OSBPL10: variants seen among roughly 807,000 people sequenced by gnomAD.
OSBPL10 encodes the protein oxysterol binding protein like 10.
In OSBPL10, 49 loss-of-function variants were observed where a neutral mutation model predicts 81.7. That is an observed-to-expected ratio of 0.60 (90% CI 0.48 to 0.76). The LOEUF is 0.76. OSBPL10 is among the 30% of genes least tolerant of loss of function. The pLI is 0.00. For synonymous variants in OSBPL10, 419 were observed against 383.6 expected (o/e 1.09, Z -1.08); for missense variants, 923 against 987.8 (o/e 0.93, Z 0.88).
chr3:31,895,147 T>TC lies in OSBPL10; in HGVS notation c.282-15318_282-15317insG, dbSNP rs1166281601. ...ATTCTCTGCGGCCTTTTTTTTTTTT[T>TC]TTTTTAGACGGAGTCTCACTCTGTC... is the stretch of plus-strand genomic sequence containing the variant. On this transcript the variant is annotated intron_variant, in intron 1 of 11. Coordinates refer to ENST00000396556, the MANE Select transcript of OSBPL10 (RefSeq NM_017784.5). Among the ~76,000 whole-genome samples, 6 of 150,320 alleles carry TC rather than the reference T, an allele frequency of 4.0e-5. No individual in the cohort carries two copies. The East Asian group carries it at 1.2e-3, about 29-fold the overall frequency.
intron 2 of OSBPL10, among the ~76,000 whole-genome samples, chr3:32,034,398 A>G (rs1425880147): frequency 6.7e-6 from 1 of 149,074 alleles, no homozygotes; most frequent in East Asian, 2.0e-4. Context: ...CAGAGATGGC[A>G]CCACTGCACT....
intron 1 of OSBPL10, among the ~76,000 whole-genome samples, chr3:31,924,318 G>A (rs1361020883): frequency 6.6e-6 from 1 of 152,124 alleles, no homozygotes; most frequent in African/African-American, 2.4e-5. Context: ...GAGTGGAAAA[G>A]AGTACGTGGT....
At chr3:31,662,690 C>G (rs537992371) in intron 11 of OSBPL10, 2 of 985,474 alleles carry the variant, frequency 2.0e-6, no homozygotes, top group East Asian at 2.3e-4. Context: ...GACTCTTATT[C>G]CTTACATGTT....
intron 4 of OSBPL10, among the ~76,000 whole-genome samples, chr3:31,804,384 T>A (rs895703746): frequency 1.8e-4 from 28 of 152,182 alleles, no homozygotes; most frequent in African/African-American, 6.5e-4. Flanking sequence ...TTGAGGGCAC[T>A]CAGCTAGTCA....
chr3:31,927,794 C>G (rs1231832450), intron 1 of OSBPL10, among the ~76,000 whole-genome samples: 2 of 152,168 alleles, frequency 1.3e-5, no homozygotes, highest in Non-Finnish European at 2.9e-5. Context: ...TTATCTAAAA[C>G]ATGCGTAAAG....
chr3:32,009,025 T>C (rs1699229154), intron 2 of OSBPL10, among the ~76,000 whole-genome samples: 1 of 152,218 alleles, frequency 6.6e-6, no homozygotes, highest in Admixed American at 6.5e-5. Context: ...CGAGATAATT[T>C]ACTCTTTGTA....
chr3:31,744,537 C>CAAAAAAAAA (rs58546446), intron 5 of OSBPL10, among the ~76,000 whole-genome samples: 5 of 96,316 alleles, frequency 5.2e-5, no homozygotes, highest in African/African-American at 1.6e-4. Context: ...GACTCCGTCT[C>CAAAAAAAAA]AAAAAAAAAA....
intron 2 of OSBPL10, chr3:31,989,042 G>A (rs772192892): frequency 1.9e-6 from 3 of 1,610,988 alleles, no homozygotes; most frequent in Admixed American, 1.7e-5. Flanking sequence ...TCGCCTCAGT[G>A]AAGGTCACAC....
At chr3:31,754,198 C>T (rs1359200842) in intron 4 of OSBPL10, among the ~76,000 whole-genome samples, 1 of 152,120 alleles carries the variant, frequency 6.6e-6, no homozygotes, top group Non-Finnish European at 1.5e-5. Flanking sequence ...GGTCCTGAGC[C>T]CCTGGGGACA....
At chr3:32,042,488 A>G (rs981994952) in intron 2 of OSBPL10, among the ~76,000 whole-genome samples, 1 of 152,190 alleles carries the variant, frequency 6.6e-6, no homozygotes, top group Non-Finnish European at 1.5e-5. Flanking sequence ...CTTCAGTTCC[A>G]TGGTCAGAAT....
At chr3:32,012,911 C>T (rs1699274464) in intron 2 of OSBPL10, among the ~76,000 whole-genome samples, 1 of 152,150 alleles carries the variant, frequency 6.6e-6, no homozygotes, top group Admixed American at 6.5e-5. Context: ...AATATATATG[C>T]ACCCAATACA....
intron 2 of OSBPL10, chr3:31,990,942 T>C (rs1352993864): frequency 3.2e-6 from 5 of 1,575,810 alleles, no homozygotes; most frequent in Non-Finnish European, 3.4e-6. Flanking sequence ...GACAGAAATC[T>C]TACAAATGTC....
chr3:31,866,929 A>G lies in OSBPL10; in HGVS notation c.537+9504T>C, dbSNP rs554005200. The stretch of plus-strand genomic sequence containing the variant: ...CAAAACTCAGTAACTTTTGCTGTTC[A>G]TTCAAGACCCCCTATGACTTATAAT... On this transcript the variant is annotated intron_variant, in intron 3 of 11. Transcript: ENST00000396556. Among the ~76,000 whole-genome samples, 3 of 152,182 alleles carry G rather than the reference A, an allele frequency of 2.0e-5. No homozygotes were observed. The East Asian group carries it at 5.8e-4, about 29-fold the overall frequency.
intron 2 of OSBPL10, among the ~76,000 whole-genome samples, chr3:32,005,099 G>A (rs528757499): frequency 1.1e-4 from 16 of 152,114 alleles, no homozygotes; most frequent in African/African-American, 3.9e-4. Flanking sequence ...TGGTGTACAT[G>A]TGCAGAACGT....
chr3:31,691,829 G>A (rs774862102), intron 7 of OSBPL10, among the ~76,000 whole-genome samples: 3 of 152,016 alleles, frequency 2.0e-5, no homozygotes, highest in Non-Finnish European at 2.9e-5. Context: ...AGCAAGCAGA[G>A]AGGCCTCCAC....
chr3:31,664,346 G>C, intron 10 of OSBPL10, 114 bp from the exon 11 acceptor site: 1 of 1,070,676 alleles, frequency 9.3e-7, no homozygotes, highest in Non-Finnish European at 1.3e-6. Context: ...GCCCCCTCTG[G>C]GGTAGCTCAT....
intron 1 of OSBPL10, among the ~76,000 whole-genome samples, chr3:31,902,608 G>A (rs190242217): frequency 2.2e-4 from 33 of 152,154 alleles, no homozygotes; most frequent in Middle Eastern, 6.8e-3. Context: ...TGTCGCCCAG[G>A]CTGGAGTGCA....
chr3:32,053,107 G>A (rs1699681952), intron 1 of OSBPL10, among the ~76,000 whole-genome samples: 1 of 152,184 alleles, frequency 6.6e-6, no homozygotes, highest in Non-Finnish European at 1.5e-5. Context: ...TGGTGTCCTA[G>A]GCTCCACACC....
At chr3:31,953,160 C>T (rs771367135) in intron 1 of OSBPL10, among the ~76,000 whole-genome samples, 5 of 151,778 alleles carry the variant, frequency 3.3e-5, no homozygotes, top group Non-Finnish European at 7.4e-5. Context: ...GTCTTGAACT[C>T]CTGACCTCGT....
Sources: allele counts gnomAD v4.1 joint callset (sites outside exome capture counted in the v4.1 genomes callset), GRCh38; gene constraint gnomAD v4.1.1; transcripts MANE v1.5; gene names NCBI Gene and HGNC (gene_info 2026-07-23, HGNC 2026-07-21).